The following TSHZ1 variants were observed in gnomAD, a reference collection of about 807,000 sequenced individuals.
TSHZ1 encodes teashirt homolog 1.
A neutral mutation model predicts 67.1 loss-of-function variants in TSHZ1; 12 were observed. That is an observed-to-expected ratio of 0.18 (90% CI 0.11 to 0.29). The LOEUF is 0.29. Ranked by LOEUF, TSHZ1 falls within the 10% of genes least tolerant of loss-of-function variation. The pLI is 1.00. For synonymous variants in TSHZ1, 632 were observed against 622.4 expected (o/e 1.02, Z -0.23); for missense variants, 1,305 against 1,413.9 (o/e 0.92, Z 1.23).
intron 1 of TSHZ1, among the ~76,000 whole-genome samples, chr18:75,222,424 G>C (rs1303629586): frequency 6.6e-6 from 1 of 152,088 alleles, no homozygotes; most frequent in Non-Finnish European, 1.5e-5. Context: ...AGCTTTCAAG[G>C]AGAACTAACT....
intron 1 of TSHZ1, among the ~76,000 whole-genome samples, chr18:75,243,859 C>T (rs1009125153): frequency 2.6e-5 from 4 of 152,020 alleles, no homozygotes; most frequent in African/African-American, 4.8e-5. Flanking sequence ...TTAATAGGGT[C>T]TTGGTACAGA....
intron 1 of TSHZ1, among the ~76,000 whole-genome samples, chr18:75,240,720 T>C (rs774743067): frequency 1.3e-5 from 2 of 152,230 alleles, no homozygotes; most frequent in Non-Finnish European, 2.9e-5. Flanking sequence ...CACTTAGTTA[T>C]GTGCCTGTGA....
At position 75,281,084 on chromosome 18, in the gene TSHZ1, C is replaced by G. The variant is rs1370437814; in HGVS notation, c.41-4364C>G. On this transcript the variant is annotated intron_variant, in intron 1 of 1. Transcript: ENST00000580243. This position sits in a 1 kb window ranked among gnomAD's most constrained non-coding sequence, Gnocchi z 5.3. The stretch of plus-strand genomic sequence containing the variant: ...GGGTCCAGACGCCCTGCCTGGGACA[C>G]GCAGCTTCAGCAAAGGCTTGCACTC... 1.3e-5 allele frequency among the ~76,000 whole-genome samples: 2 copies of G among 152,146 alleles called. No homozygotes were observed. Among genetic ancestry groups the G allele is most frequent in the African/African-American group, 4.8e-5 (2 of 41,436 alleles).
intron 1 of TSHZ1, among the ~76,000 whole-genome samples, chr18:75,220,854 A>G (rs2022836864): frequency 6.6e-6 from 1 of 152,236 alleles, no homozygotes; most frequent in African/African-American, 2.4e-5. Flanking sequence ...CAACAGGAAC[A>G]GGGATTTGTC....
intron 1 of TSHZ1, among the ~76,000 whole-genome samples, chr18:75,270,283 G>T (rs1294047724): frequency 6.6e-6 from 1 of 152,162 alleles, no homozygotes; most frequent in Non-Finnish European, 1.5e-5. Flanking sequence ...AGTGAAATAG[G>T]ATTTCCCCTT....
At chr18:75,259,140 T>TA (rs1402807991) in intron 1 of TSHZ1, among the ~76,000 whole-genome samples, 2 of 152,132 alleles carry the variant, frequency 1.3e-5, no homozygotes, top group East Asian at 3.9e-4. Context: ...CTTTATTTTC[T>TA]AAAAAATGGA....
Position 75,287,696 on chromosome 18 carries a change from C to T in TSHZ1, c.2289C>T (p.Pro763=), listed in dbSNP as rs145078421. The change falls in exon 2 of 2, where the codon CCC becomes CCT. Residue 763 remains proline, a synonymous_variant. Coordinates refer to ENST00000580243, the MANE Select transcript of TSHZ1 (RefSeq NM_001308210.2). The surrounding 1 kb of genome is among the most constrained non-coding windows in gnomAD (Gnocchi z 5.0). The stretch of plus-strand genomic sequence containing the variant: ...CCCACCTGGGCAAGGTGTCCAAGCC[C>T]GTGAGTCCCTCGCTGGACCCGCTGG... ...MNTHLGKVSK[P]VSPSLDPLAM... is the part of the protein sequence containing the mutation. 36 of 1,614,174 alleles carry T rather than the reference C, an allele frequency of 2.2e-5. No homozygotes were observed. Among genetic ancestry groups the T allele is most frequent in the African/African-American group, 2.0e-4 (15 of 75,046 alleles).
intron 1 of TSHZ1, among the ~76,000 whole-genome samples, chr18:75,237,260 G>A (rs1473647201): frequency 6.6e-6 from 1 of 152,212 alleles, no homozygotes; most frequent in Non-Finnish European, 1.5e-5. Flanking sequence ...GGTAGCTCAT[G>A]CCTATAATCC....
rs558713406 is a variant in TSHZ1 at position 75,252,689 on chromosome 18, G to T, written c.41-32759G>T. On this transcript the variant is annotated intron_variant, in intron 1 of 1. Transcript: ENST00000580243. ...TTTAAAAATCTGTTTTTCCTAATTG[G>T]AATTCTAAATGCTAACTTCATTGTA... Among the ~76,000 whole-genome samples, 19 of 151,570 alleles carry T rather than the reference G, an allele frequency of 1.3e-4. 1 individual carries two copies. Among genetic ancestry groups the T allele is most frequent in the Middle Eastern group, 3.4e-3 (1 of 294 alleles).
chr18:75,285,395 T>A (rs889814747), intron 1 of TSHZ1, 53 bp from the exon 2 acceptor site: 5 of 1,417,418 alleles, frequency 3.5e-6, no homozygotes, highest in Non-Finnish European at 4.6e-6. Flanking sequence ...GGGGAGGCTG[T>A]CTCTTTGAAG....
chr18:75,257,626 A>C (rs546855077), intron 1 of TSHZ1, among the ~76,000 whole-genome samples: 7 of 152,266 alleles, frequency 4.6e-5, no homozygotes, highest in African/African-American at 1.7e-4. Context: ...ACAGAAAAAA[A>C]AAAAGGCTGG....
chr18:75,213,935 C>T (rs2022732813), intron 1 of TSHZ1, among the ~76,000 whole-genome samples: 3 of 152,104 alleles, frequency 2.0e-5, no homozygotes, highest in African/African-American at 7.2e-5. Context: ...AGGGAAAAAA[C>T]CCTAAAAAAT....
intron 1 of TSHZ1, among the ~76,000 whole-genome samples, chr18:75,238,675 T>G (rs1464743123): frequency 2.0e-5 from 3 of 152,094 alleles, no homozygotes; most frequent in African/African-American, 7.2e-5. Flanking sequence ...GGGGAGTGTC[T>G]TCTTAAGAAA....
In TSHZ1 at chr18:75,286,580, G is replaced by T. The variant is rs34416873; in HGVS notation, c.1173G>T (p.Thr391=). Residue 391 remains threonine, a synonymous_variant, in exon 2 of 2, where the codon ACG becomes ACT. Transcript: ENST00000580243. The surrounding 1 kb of genome is among the most constrained non-coding windows in gnomAD (Gnocchi z 5.1). ...AGAAAGCAGCGAACCCGTACGTCAC[G>T]CCCAATAACCGCTATGGCTACCAGA... The part of the protein sequence containing the change: ...KDQKAANPYV[T]PNNRYGYQNG... The T allele has an allele frequency of 1.2e-6, 2 of 1,614,048 alleles. No individual in the cohort carries two copies. The highest frequency in any genetic ancestry group is 2.7e-5 in the African/African-American group (2 of 74,930).
At chr18:75,270,013 T>C (rs2023538734) in intron 1 of TSHZ1, among the ~76,000 whole-genome samples, 1 of 152,252 alleles carries the variant, frequency 6.6e-6, no homozygotes, top group Admixed American at 6.5e-5. Flanking sequence ...AGACCAGTTT[T>C]GTTGACTTTC....
chr18:75,231,102 C>G (rs1209469446), intron 1 of TSHZ1, among the ~76,000 whole-genome samples: 1 of 152,218 alleles, frequency 6.6e-6, no homozygotes, highest in Non-Finnish European at 1.5e-5. Context: ...CAGTTTCTCT[C>G]CAGTGGTGGA....
rs2023774615 is a variant in TSHZ1, at chr18:75,286,838, G to A, written c.1431G>A (p.Arg477=). The change falls in exon 2 of 2, where the codon CGG becomes CGA. Residue 477 remains arginine (R), a synonymous_variant. Transcript: ENST00000580243. The surrounding 1 kb of genome is among the most constrained non-coding windows in gnomAD (Gnocchi z 5.1). The part of the protein sequence containing the change: ...SIPLPPTTHT[R]LPASSIKKQP... ...CACTACCGCCCACCACCCACACGCG[G>A]CTGCCGGCCTCCAGCATCAAAAAGC... is the stretch of plus-strand genomic sequence containing the variant. 6.2e-7 allele frequency: 1 copy of A among 1,613,876 alleles called. No homozygotes were observed. The highest frequency in any genetic ancestry group is 1.3e-5 in the African/African-American group (1 of 74,936).
In TSHZ1 at chr18:75,264,484, A is replaced by ATTTTT. The variant is rs60144564; in HGVS notation, c.41-20949_41-20945dup. Among the ~76,000 whole-genome samples, 181 of 146,542 alleles carry ATTTTT rather than the reference A, an allele frequency of 1.2e-3. No homozygotes were observed. In the South Asian group the frequency reaches 0.018, roughly 15 times the overall value. On this transcript the variant is annotated intron_variant, in intron 1 of 1. Coordinates refer to ENST00000580243, the MANE Select transcript of TSHZ1 (RefSeq NM_001308210.2). The stretch of plus-strand genomic sequence containing the variant: ...CTCCCAGGAACTATTACACTGACAG[A>ATTTTT]TTTTTTTTTTTTTTTTTTTAAGTGT...
At chr18:75,250,728 G>T (rs959022324) in intron 1 of TSHZ1, among the ~76,000 whole-genome samples, 4 of 152,232 alleles carry the variant, frequency 2.6e-5, no homozygotes, top group Non-Finnish European at 4.4e-5. Flanking sequence ...GGCCTTTACC[G>T]TCCGGATGGG....
Sources: gnomAD v4.1 joint callset for allele counts (sites outside exome capture counted in the v4.1 genomes callset) on GRCh38, gnomAD v4.1.1 for gene constraint, Gnocchi (gnomAD v3.1) non-coding constraint, MANE v1.5 for transcripts, NCBI Gene and HGNC (gene_info 2026-07-23, HGNC 2026-07-21) for gene names.